The following MACROD2 variants were observed in gnomAD, a reference collection of about 807,000 sequenced individuals.
The protein encoded by MACROD2 is ADP-ribose glycohydrolase MACROD2.
A neutral mutation model predicts 70.4 loss-of-function variants in MACROD2; 36 were observed. The ratio of observed to expected loss-of-function variants is 0.51; its 90% CI spans 0.39 to 0.68. MACROD2 has a LOEUF of 0.68. Among genes scored for constraint, MACROD2 ranks in the 30% least tolerant of loss-of-function variants. The probability of loss-of-function intolerance (pLI) is 0.00; values close to 1 mark genes in which losing one functional copy is unlikely to be tolerated. For synonymous variants in MACROD2, 172 were observed against 178.8 expected (o/e 0.96, Z 0.30); for missense variants, 496 against 538.4 (o/e 0.92, Z 0.78).
chr20:14,285,490 A>C (rs541419186), intron 3 of MACROD2, among the ~76,000 whole-genome samples: 6 of 152,230 alleles, frequency 3.9e-5, no homozygotes, highest in African/African-American at 1.4e-4. Flanking sequence ...AAGGAACCCT[A>C]TTCAGTTATT....
intron 2 of MACROD2, among the ~76,000 whole-genome samples, chr20:14,061,729 T>G (rs932693099): frequency 2.0e-5 from 3 of 152,174 alleles, no homozygotes; most frequent in African/African-American, 7.2e-5. Flanking sequence ...ATAGCTGTAG[T>G]TACATATCCT....
intron 2 of MACROD2, among the ~76,000 whole-genome samples, chr20:14,079,748 G>A (rs1027813099): frequency 2.0e-5 from 3 of 152,140 alleles, no homozygotes; most frequent in Non-Finnish European, 2.9e-5. Context: ...AATCAGATAC[G>A]TCCAGACAGT....
At chr20:14,226,052 A>T (rs1569214690) in intron 3 of MACROD2, among the ~76,000 whole-genome samples, 1 of 152,330 alleles carries the variant, frequency 6.6e-6, no homozygotes, top group East Asian at 1.9e-4. Flanking sequence ...GGTAAAAGTG[A>T]GAAAAAGGGT....
chr20:15,904,859 C>T (rs898554737), intron 10 of MACROD2, among the ~76,000 whole-genome samples: 10 of 134,732 alleles, frequency 7.4e-5, no homozygotes, highest in East Asian at 4.4e-4. Context: ...CCAGCCTGCG[C>T]GAAAGAGAGA....
chr20:15,060,478 T>C (rs2075523594), intron 5 of MACROD2, among the ~76,000 whole-genome samples: 1 of 152,166 alleles, frequency 6.6e-6, no homozygotes, highest in African/African-American at 2.4e-5. Context: ...CTCGGGGCAT[T>C]TCCCTCTCTA....
intron 6 of MACROD2, among the ~76,000 whole-genome samples, chr20:15,337,019 C>T (rs2078056178): frequency 6.6e-6 from 1 of 151,692 alleles, no homozygotes; most frequent in African/African-American, 2.4e-5. Context: ...TTCTCACTTT[C>T]TGCATCTTTC....
At chr20:15,158,901 C>A (rs459874) in intron 5 of MACROD2, among the ~76,000 whole-genome samples, 89,589 of 151,908 alleles carry the variant, frequency 0.59, 26,548 homozygotes, top group East Asian at 0.65. Context: ...CATTTATCAC[C>A]AGGAAATCTG....
intron 8 of MACROD2, among the ~76,000 whole-genome samples, chr20:15,814,608 A>G (rs2063854054): frequency 6.6e-6 from 1 of 152,202 alleles, no homozygotes; most frequent in Admixed American, 6.5e-5. Context: ...TCTTAACACT[A>G]TGCCCCTGGT....
At chr20:15,862,449 T>A (rs866195698) in intron 8 of MACROD2, among the ~76,000 whole-genome samples, 1 of 152,224 alleles carries the variant, frequency 6.6e-6, no homozygotes, top group African/African-American at 2.4e-5. Flanking sequence ...CAGATCTTAT[T>A]TATAGCTTGC....
chr20:15,695,786 C>A (rs199685125), intron 8 of MACROD2, among the ~76,000 whole-genome samples: 3,396 of 139,496 alleles, frequency 0.024, 59 homozygotes, highest in Middle Eastern at 0.044. Flanking sequence ...CATATTCCTG[C>A]GTATTTTTTT....
intron 5 of MACROD2, among the ~76,000 whole-genome samples, chr20:14,767,740 A>C (rs545736863): frequency 5.3e-5 from 8 of 151,896 alleles, no homozygotes; most frequent in Admixed American, 2.0e-4. Flanking sequence ...TGCCGCACCC[A>C]TCAACCTGTC....
intron 5 of MACROD2, among the ~76,000 whole-genome samples, chr20:15,005,866 A>C (rs376714242): frequency 6.6e-6 from 1 of 152,144 alleles, no homozygotes; most frequent in African/African-American, 2.4e-5. Flanking sequence ...GTGTAAACAT[A>C]CTAACTATCC....
At chr20:15,041,685 C>A (rs889482722) in intron 5 of MACROD2, among the ~76,000 whole-genome samples, 1 of 152,138 alleles carries the variant, frequency 6.6e-6, no homozygotes, top group Non-Finnish European at 1.5e-5. Context: ...CTCAAGTGAT[C>A]CTCCTGCCTC....
chr20:15,838,944 A>G (rs1244486674), intron 8 of MACROD2, among the ~76,000 whole-genome samples: 1 of 152,128 alleles, frequency 6.6e-6, no homozygotes, highest in Admixed American at 6.6e-5. Context: ...GGCTTTGGGT[A>G]CTCAACTCAT....
At chr20:14,586,810 C>T (rs1981411736) in intron 4 of MACROD2, among the ~76,000 whole-genome samples, 1 of 151,958 alleles carries the variant, frequency 6.6e-6, no homozygotes, top group Non-Finnish European at 1.5e-5. Flanking sequence ...TGTTCTGTGT[C>T]ACTGTCCTGG....
chr20:15,082,228 G>A (rs555664578), intron 5 of MACROD2, among the ~76,000 whole-genome samples: 1 of 152,206 alleles, frequency 6.6e-6, no homozygotes, highest in Non-Finnish European at 1.5e-5. Flanking sequence ...ATGGAGAAGA[G>A]GAGAGGACAG....
intron 6 of MACROD2, among the ~76,000 whole-genome samples, chr20:15,344,542 C>G (rs6043224): frequency 0.18 from 27,284 of 151,994 alleles, 2,680 homozygotes; most frequent in Non-Finnish European, 0.23. Flanking sequence ...CTCTGAGGCC[C>G]AGTTTTTTTC....
chr20:14,788,823 C>T lies in MACROD2; in HGVS notation c.418+103864C>T, dbSNP rs765776478. ...TTGCTCTGTCCCCCAGGCTGGAGTGCGGTGGTGCGATCTCGGCTTACTGCA... is the reference window on the plus strand; with the variant it reads ...TTGCTCTGTCCCCCAGGCTGGAGTGTGGTGGTGCGATCTCGGCTTACTGCA... On this transcript the variant is annotated intron_variant, in intron 5 of 17. Coordinates refer to ENST00000684519, the MANE Select transcript of MACROD2 (RefSeq NM_001351661.2). Among the ~76,000 whole-genome samples the T allele has an allele frequency of 1.8e-3, 228 of 125,840 alleles. 1 individual carries two copies. Among genetic ancestry groups the T allele is most frequent in the Non-Finnish European group, 2.7e-3 (170 of 63,678 alleles). The allele number at this position is 125,840 out of a possible 152,430, so 82.6% of individuals were successfully genotyped here. A position where few individuals can be genotyped will look rare whatever the true frequency, so the allele number is the denominator to read the frequency against.
At chr20:14,104,050 T>TAC (rs1455411908) in intron 3 of MACROD2, among the ~76,000 whole-genome samples, 5 of 151,974 alleles carry the variant, frequency 3.3e-5, no homozygotes, top group African/African-American at 1.2e-4. Flanking sequence ...CACACGCACA[T>TAC]ACACACACAT....
Sources: allele counts gnomAD v4.1 joint callset (sites outside exome capture counted in the v4.1 genomes callset), GRCh38; gene constraint gnomAD v4.1.1; transcripts MANE v1.5; gene names NCBI Gene and HGNC (gene_info 2026-07-23, HGNC 2026-07-21).